Variants in AUTS2 observed in about 807,000 individuals in gnomAD.
AUTS2 encodes the protein autism susceptibility gene 2 protein.
AUTS2 carries 17 observed loss-of-function variants against 112.4 expected under a neutral mutation model. The ratio of observed to expected loss-of-function variants is 0.15; its 90% CI spans 0.10 to 0.23. The LOEUF (loss-of-function observed/expected upper bound fraction) is 0.23, where lower values mean the gene tolerates loss of function less well. Among genes scored for constraint, AUTS2 ranks in the 10% least tolerant of loss-of-function variants. AUTS2 has a pLI of 1.00. For synonymous variants in AUTS2, 751 were observed against 702.7 expected, an observed-to-expected ratio of 1.07 and a Z score of -1.09; for missense variants, 1,510 against 1,701.6, an observed-to-expected ratio of 0.89 and a Z score of 1.98.
intron 4 of AUTS2, among the ~76,000 whole-genome samples, chr7:70,145,297 T>G (rs1807071113): frequency 6.6e-6 from 1 of 152,134 alleles, no homozygotes; most frequent in Admixed American, 6.6e-5. Flanking sequence ...GTACCTTTTT[T>G]CTTTGTAGCC....
chr7:70,258,225 G>T (rs532356113), intron 4 of AUTS2, among the ~76,000 whole-genome samples: 1 of 152,342 alleles, frequency 6.6e-6, no homozygotes, highest in Admixed American at 6.5e-5. Context: ...GTTTGACAAT[G>T]TTGAGACTGT....
At chr7:70,558,037 A>C (rs1054203573) in intron 5 of AUTS2, among the ~76,000 whole-genome samples, 10 of 151,424 alleles carry the variant, frequency 6.6e-5, no homozygotes, top group African/African-American at 2.4e-4. Flanking sequence ...TCCCACCTTC[A>C]CTCTTCACTG....
chr7:69,742,478 C>T (rs962842905), intron 1 of AUTS2, among the ~76,000 whole-genome samples: 1 of 152,106 alleles, frequency 6.6e-6, no homozygotes, highest in African/African-American at 2.4e-5. Flanking sequence ...GTTACATTCT[C>T]AGAAAAATAC....
At chr7:70,642,523 A>G (rs1055728576) in intron 5 of AUTS2, among the ~76,000 whole-genome samples, 10 of 139,382 alleles carry the variant, frequency 7.2e-5, no homozygotes, top group South Asian at 2.2e-4. Context: ...TTTATTTCCA[A>G]TTGTGTCCTC....
chr7:69,630,286 T>A (rs1318831244), intron 1 of AUTS2, among the ~76,000 whole-genome samples: 2 of 152,178 alleles, frequency 1.3e-5, no homozygotes. Context: ...ATATTTCTAT[T>A]GTGAAACAAA....
rs964907996 is a variant in AUTS2, at chr7:70,126,157, G to T, written c.624+7924G>T. 2.0e-5 allele frequency among the ~76,000 whole-genome samples: 3 copies of T among 152,316 alleles called. No individual in the cohort carries two copies. In the East Asian group the frequency reaches 5.8e-4, roughly 29 times the overall value. ...TATGTGGCCAGGCATGGTGGCTCAC[G>T]CCTGCAATCCCAGCACTTTTGGAGG... On this transcript the variant is annotated intron_variant, in intron 3 of 18. Transcript: ENST00000342771.
intron 5 of AUTS2, among the ~76,000 whole-genome samples, chr7:70,603,936 G>A (rs1373720597): frequency 6.6e-6 from 1 of 152,048 alleles, no homozygotes; most frequent in Admixed American, 6.5e-5. Context: ...AAAATCAATG[G>A]GATTGGCATA....
intron 6 of AUTS2, among the ~76,000 whole-genome samples, chr7:70,733,792 G>T (rs955705928): frequency 1.3e-5 from 2 of 151,916 alleles, no homozygotes; most frequent in Non-Finnish European, 2.9e-5. Flanking sequence ...TCACCATGTT[G>T]ACCAGGCTGG....
intron 11 of AUTS2, among the ~76,000 whole-genome samples, chr7:70,772,162 G>C (rs539823557): frequency 1.3e-5 from 2 of 152,172 alleles, no homozygotes; most frequent in Non-Finnish European, 2.9e-5. Context: ...GGCAGGTGGG[G>C]TGGTCGCCTC....
At chr7:69,855,223 G>T (rs976491264) in intron 1 of AUTS2, among the ~76,000 whole-genome samples, 1 of 152,188 alleles carries the variant, frequency 6.6e-6, no homozygotes, top group Non-Finnish European at 1.5e-5. Context: ...GAAGAAAATG[G>T]CTTCAAAAGC....
chr7:70,576,334 C>T (rs11768709), intron 5 of AUTS2, among the ~76,000 whole-genome samples: 24,021 of 152,024 alleles, frequency 0.16, 2,106 homozygotes, highest in African/African-American at 0.23. Context: ...CAACTGCTGC[C>T]CCTGCTGAGC....
intron 5 of AUTS2, among the ~76,000 whole-genome samples, chr7:70,539,237 C>G (rs1046317442): frequency 3.9e-5 from 6 of 152,276 alleles, no homozygotes; most frequent in African/African-American, 1.4e-4. Context: ...GTCATAGTTA[C>G]TATGTTGTTG....
At chr7:69,765,418 TCA>T (rs1157842874) in intron 1 of AUTS2, among the ~76,000 whole-genome samples, 1 of 152,138 alleles carries the variant, frequency 6.6e-6, no homozygotes, top group African/African-American at 2.4e-5. Context: ...GGGGCAGGTC[TCA>T]TTTGTTTTGG....
At chr7:69,741,704 T>TAA (rs112536740) in intron 1 of AUTS2, among the ~76,000 whole-genome samples, 2 of 140,240 alleles carry the variant, frequency 1.4e-5, no homozygotes, top group African/African-American at 5.2e-5. Flanking sequence ...AACCCTGTCT[T>TAA]AAAAAAAAAA....
At chr7:69,737,497 A>G (rs1248091871) in intron 1 of AUTS2, among the ~76,000 whole-genome samples, 1 of 152,080 alleles carries the variant, frequency 6.6e-6, no homozygotes, top group African/African-American at 2.4e-5. Context: ...ATTTTTGCCT[A>G]GTCCGGGTTA....
At chr7:70,727,018 C>G (rs1455805087) in intron 6 of AUTS2, among the ~76,000 whole-genome samples, 1 of 152,188 alleles carries the variant, frequency 6.6e-6, no homozygotes, top group Non-Finnish European at 1.5e-5. Flanking sequence ...TGCCAGCTTT[C>G]TGTCCTCACC....
chr7:70,228,615 C>G (rs1404585915), intron 4 of AUTS2, among the ~76,000 whole-genome samples: 1 of 151,678 alleles, frequency 6.6e-6, no homozygotes, highest in African/African-American at 2.4e-5. Flanking sequence ...ATGCATTCTA[C>G]CTTAACACAG....
intron 2 of AUTS2, among the ~76,000 whole-genome samples, chr7:70,105,370 G>A (rs1478204755): frequency 1.3e-5 from 2 of 152,010 alleles, no homozygotes; most frequent in Non-Finnish European, 1.5e-5. Flanking sequence ...GGCAATCCTC[G>A]TGCCTCAGTC....
intron 1 of AUTS2, among the ~76,000 whole-genome samples, chr7:69,816,722 T>C (rs1014216076): frequency 2.0e-5 from 3 of 152,248 alleles, no homozygotes; most frequent in African/African-American, 7.2e-5. Flanking sequence ...CCACATTCTT[T>C]TTGTAGATAT....
Sources: gnomAD v4.1 joint callset for allele counts (sites outside exome capture counted in the v4.1 genomes callset) on GRCh38, gnomAD v4.1.1 for gene constraint, MANE v1.5 for transcripts, NCBI Gene and HGNC (gene_info 2026-07-23, HGNC 2026-07-21) for gene names.